The following FOXP2 variants were observed in gnomAD, a reference collection of about 807,000 sequenced individuals.
FOXP2 encodes forkhead box protein P2.
In FOXP2, 12 loss-of-function variants were observed where a neutral mutation model predicts 115.8. The ratio of observed to expected loss-of-function variants is 0.10; its 90% CI spans 0.07 to 0.17. FOXP2 has a LOEUF of 0.17. Ranked by LOEUF, FOXP2 falls within the 10% of genes least tolerant of loss-of-function variation. FOXP2 has a pLI of 1.00. For synonymous variants in FOXP2, 328 were observed against 297.7 expected (o/e 1.10, Z -1.05); for missense variants, 629 against 843.5 (o/e 0.75, Z 3.15).
intron 2 of FOXP2, among the ~76,000 whole-genome samples, chr7:114,315,115 T>A (rs1797243654): frequency 6.6e-6 from 1 of 152,196 alleles, no homozygotes; most frequent in African/African-American, 2.4e-5. Flanking sequence ...ATCACTGTCT[T>A]TGTGTTGGCT....
chr7:114,099,869 T>TG (rs1799739146), intron 1 of FOXP2, among the ~76,000 whole-genome samples: 1 of 152,144 alleles, frequency 6.6e-6, no homozygotes, highest in Non-Finnish European at 1.5e-5. Context: ...ATGAGGGTTT[T>TG]GGGTAATAAA....
At chr7:114,231,346 T>A (rs976356661) in intron 1 of FOXP2, among the ~76,000 whole-genome samples, 2 of 152,134 alleles carry the variant, frequency 1.3e-5, no homozygotes, top group Admixed American at 1.3e-4. Flanking sequence ...TCCCAATGCA[T>A]TTGTTACAGA....
At chr7:114,409,370 A>G (rs953345858), upstream of FOXP2, among the ~76,000 whole-genome samples, 6 of 152,318 alleles carry the variant, frequency 3.9e-5, no homozygotes, top group Admixed American at 2.6e-4. Flanking sequence ...TGCTAAGAGC[A>G]TATAACAAGA....
intron 1 of FOXP2, among the ~76,000 whole-genome samples, chr7:114,166,563 G>A (rs1241565581): frequency 6.6e-6 from 1 of 152,120 alleles, no homozygotes; most frequent in Non-Finnish European, 1.5e-5. Context: ...AAATTAGCCA[G>A]GCATGGTGGC....
chr7:114,256,281 T>G (rs1301222121), intron 1 of FOXP2, among the ~76,000 whole-genome samples: 2 of 151,968 alleles, frequency 1.3e-5, no homozygotes, highest in African/African-American at 2.4e-5. Flanking sequence ...TTTTTTGTAT[T>G]TTTTTAGTAG....
intron 1 of FOXP2, among the ~76,000 whole-genome samples, chr7:114,210,305 ATGGGGT>A (rs1305740400): frequency 6.6e-6 from 1 of 152,104 alleles, no homozygotes; most frequent in Non-Finnish European, 1.5e-5. Context: ...GACTTCAAAG[ATGGGGT>A]TTTTGAATGG....
rs749463868 is a variant in FOXP2, at chr7:114,664,468, A to G, written c.2003+32A>G. 3.7e-6 allele frequency: 6 copies of G among 1,612,108 alleles called. No homozygotes were observed. The South Asian group carries it at 6.6e-5, about 18-fold the overall frequency. On this transcript the variant is annotated intron_variant, in intron 16 of 16. Coordinates refer to ENST00000350908, the MANE Select transcript of FOXP2 (RefSeq NM_014491.4). The stretch of plus-strand genomic sequence containing the variant: ...GTGGTTAACAGACTCTCTAAAGGGA[A>G]GAATCTATATTAATATGCTTCTTAA...
intron 1 of FOXP2, among the ~76,000 whole-genome samples, chr7:114,178,058 A>G (rs1480081440): frequency 6.6e-6 from 1 of 151,998 alleles, no homozygotes; most frequent in Non-Finnish European, 1.5e-5. Context: ...TGAATCATAC[A>G]TATGAAGTGT....
chr7:114,350,985 A>T (rs1242997205), intron 2 of FOXP2, among the ~76,000 whole-genome samples: 1 of 152,176 alleles, frequency 6.6e-6, no homozygotes, highest in Non-Finnish European at 1.5e-5. Flanking sequence ...GCCTAATACA[A>T]TGTAAATGCA....
intron 2 of FOXP2, among the ~76,000 whole-genome samples, chr7:114,528,049 A>G (rs1420681083): frequency 6.6e-6 from 1 of 151,992 alleles, no homozygotes; most frequent in Non-Finnish European, 1.5e-5. Flanking sequence ...ATTTGTTCTT[A>G]CCTGCTATAT....
At chr7:114,107,491 A>T (rs964428131) in intron 1 of FOXP2, among the ~76,000 whole-genome samples, 14 of 151,964 alleles carry the variant, frequency 9.2e-5, no homozygotes, top group African/African-American at 3.4e-4. Flanking sequence ...CATTTTAAAG[A>T]TAATTTCACA....
chr7:114,559,563 C>T (rs991096654), intron 3 of FOXP2, among the ~76,000 whole-genome samples: 1 of 152,146 alleles, frequency 6.6e-6, no homozygotes, highest in Non-Finnish European at 1.5e-5. Flanking sequence ...TTCTGTAACT[C>T]TTGTTAATTC....
chr7:114,687,171 G>A (rs1371160258), intron 16 of FOXP2, among the ~76,000 whole-genome samples: 1 of 151,984 alleles, frequency 6.6e-6, no homozygotes, highest in African/African-American at 2.4e-5. Flanking sequence ...TTTAGTTTAC[G>A]GGAGAGTTTT....
intron 6 of FOXP2, among the ~76,000 whole-genome samples, chr7:114,636,191 G>A (rs1869840): frequency 0.97 from 147,278 of 152,236 alleles, 71,398 homozygotes; most frequent in East Asian, 1. Flanking sequence ...CAGAAACTGG[G>A]ACTCTCTTCT....
intron 2 of FOXP2, among the ~76,000 whole-genome samples, chr7:114,352,729 A>G (rs2129186096): frequency 6.6e-6 from 1 of 152,206 alleles, no homozygotes; most frequent in African/African-American, 2.4e-5. Context: ...AATTGACCCT[A>G]TAAACATCCT....
intron 6 of FOXP2, among the ~76,000 whole-genome samples, chr7:114,633,634 A>G (rs753685226): frequency 2.0e-5 from 3 of 152,162 alleles, no homozygotes; most frequent in Non-Finnish European, 4.4e-5. Flanking sequence ...ACAAACCGGC[A>G]TCATTGTCTT....
intron 2 of FOXP2, among the ~76,000 whole-genome samples, chr7:114,390,913 A>T (rs1458863910): frequency 6.6e-6 from 1 of 152,130 alleles, no homozygotes; most frequent in Non-Finnish European, 1.5e-5. Context: ...TCTTGGCCAG[A>T]CACAGTGGCT....
At chr7:114,197,794 A>G (rs564036228) in intron 1 of FOXP2, among the ~76,000 whole-genome samples, 2 of 152,284 alleles carry the variant, frequency 1.3e-5, no homozygotes, top group East Asian at 3.9e-4. Context: ...GGGAAATTCA[A>G]ATGTGATGGA....
chr7:114,380,524 G>T (rs1183415174), intron 2 of FOXP2, among the ~76,000 whole-genome samples: 1 of 152,178 alleles, frequency 6.6e-6, no homozygotes, highest in Non-Finnish European at 1.5e-5. Context: ...ACCTCTAAAA[G>T]GTCCCTTCAA....
Sources: gnomAD v4.1 joint callset for allele counts (sites outside exome capture counted in the v4.1 genomes callset) on GRCh38, gnomAD v4.1.1 for gene constraint, MANE v1.5 for transcripts, NCBI Gene and HGNC (gene_info 2026-07-23, HGNC 2026-07-21) for gene names.